Variants in EIPR1 observed in about 807,000 individuals in gnomAD.
EIPR1 encodes EARP complex and GARP complex interacting protein 1.
A neutral mutation model predicts 48.1 loss-of-function variants in EIPR1; 25 were observed. The observed-to-expected ratio is 0.52, with a 90% CI of 0.38 to 0.73. EIPR1 has a LOEUF of 0.73. Ranked by LOEUF, EIPR1 falls within the 30% of genes least tolerant of loss-of-function variation. The pLI is 0.00. For synonymous variants in EIPR1, 204 were observed against 201.9 expected (o/e 1.01, Z -0.09); for missense variants, 415 against 506.2 (o/e 0.82, Z 1.73).
chr2:3,292,209 G>GA (rs1297024099), intron 3 of EIPR1, among the ~76,000 whole-genome samples: 1 of 152,234 alleles, frequency 6.6e-6, no homozygotes, highest in Non-Finnish European at 1.5e-5. Flanking sequence ...GTCCTCAGGT[G>GA]ACTGCGCGGC....
At chr2:3,291,977 C>T (rs1390076603) in intron 3 of EIPR1, among the ~76,000 whole-genome samples, 1 of 152,268 alleles carries the variant, frequency 6.6e-6, no homozygotes, top group Non-Finnish European at 1.5e-5. Context: ...GGGCCATCCA[C>T]TCCAGGGGCA....
At chr2:3,193,057 G>C (rs910785496) in intron 7 of EIPR1, among the ~76,000 whole-genome samples, 2 of 152,160 alleles carry the variant, frequency 1.3e-5, no homozygotes, top group African/African-American at 4.8e-5. Context: ...TCTTGCTGGC[G>C]TGGGTCCTAG....
intron 4 of EIPR1, among the ~76,000 whole-genome samples, chr2:3,250,422 T>C (rs1308214872): frequency 6.6e-6 from 1 of 152,228 alleles, no homozygotes; most frequent in African/African-American, 2.4e-5. Context: ...TGCACCCCCA[T>C]TGTAATTTGA....
chr2:3,221,990 GT>G (rs964793523), intron 4 of EIPR1, among the ~76,000 whole-genome samples: 366 of 149,260 alleles, frequency 2.5e-3, no homozygotes, highest in Non-Finnish European at 4.5e-3. Context: ...TCCCCTCGCG[GT>G]TTTTTTTTTG....
intron 5 of EIPR1, among the ~76,000 whole-genome samples, chr2:3,210,350 C>T (rs987757697): frequency 6.6e-6 from 1 of 152,170 alleles, no homozygotes; most frequent in African/African-American, 2.4e-5. Flanking sequence ...CTCCCACCCA[C>T]ATCTGTTTTT....
At chr2:3,306,889 G>T (rs1668962284) in intron 3 of EIPR1, among the ~76,000 whole-genome samples, 1 of 152,126 alleles carries the variant, frequency 6.6e-6, no homozygotes. Flanking sequence ...AGTCAAAAAA[G>T]AGAACTCCTT....
chr2:3,296,216 G>C (rs55957782), intron 3 of EIPR1, among the ~76,000 whole-genome samples: 97 of 16,282 alleles, frequency 6.0e-3, no homozygotes, highest in Admixed American at 6.8e-3. Context: ...TCTCTACACA[G>C]ACACCCTCCA....
chr2:3,295,068 CA>C (rs1179375325), intron 3 of EIPR1, among the ~76,000 whole-genome samples: 4 of 137,922 alleles, frequency 2.9e-5, no homozygotes, highest in Admixed American at 7.2e-5. Context: ...TCTCCACACA[CA>C]CCTCCATCCA....
intron 3 of EIPR1, among the ~76,000 whole-genome samples, chr2:3,298,812 T>C (rs1422541057): frequency 6.6e-6 from 1 of 152,084 alleles, no homozygotes; most frequent in Non-Finnish European, 1.5e-5. Context: ...TCACCCCCCA[T>C]AAGAAGGCAT....
chr2:3,214,621 C>A (rs1665569486), intron 4 of EIPR1, among the ~76,000 whole-genome samples: 3 of 152,182 alleles, frequency 2.0e-5, no homozygotes, highest in Admixed American at 2.0e-4. Flanking sequence ...CCTAACCTAC[C>A]TTAAACAGGC....
chr2:3,283,626 C>T (rs559146637), intron 3 of EIPR1, among the ~76,000 whole-genome samples: 2 of 152,192 alleles, frequency 1.3e-5, no homozygotes, highest in African/African-American at 2.4e-5. Flanking sequence ...CCAGCGAGCA[C>T]CACTAGTTAA....
chr2:3,227,696 GA>G (rs1200033920), intron 4 of EIPR1, among the ~76,000 whole-genome samples: 3 of 152,080 alleles, frequency 2.0e-5, no homozygotes, highest in African/African-American at 7.2e-5. Flanking sequence ...AGGCCTAAGA[GA>G]AAAAAAATGG....
At chr2:3,361,682 G>A (rs760569309) in intron 1 of EIPR1, among the ~76,000 whole-genome samples, 10 of 150,650 alleles carry the variant, frequency 6.6e-5, no homozygotes, top group South Asian at 4.2e-4. Flanking sequence ...CCCAACAGCC[G>A]CCTCCAGCCC....
chr2:3,254,358 T>A (rs980292990), intron 4 of EIPR1, among the ~76,000 whole-genome samples: 2 of 152,142 alleles, frequency 1.3e-5, no homozygotes, highest in African/African-American at 4.8e-5. Context: ...TTCCTGTTCA[T>A]ACAAAAACCT....
At chr2:3,271,607 A>G (rs1667703585) in intron 3 of EIPR1, among the ~76,000 whole-genome samples, 1 of 152,190 alleles carries the variant, frequency 6.6e-6, no homozygotes, top group Admixed American at 6.5e-5. Flanking sequence ...GTCTCTGAGC[A>G]GTAGGTCTCA....
intron 5 of EIPR1, among the ~76,000 whole-genome samples, chr2:3,203,558 A>AT (rs1330082954): frequency 2.0e-5 from 3 of 152,352 alleles, no homozygotes; most frequent in South Asian, 2.1e-4. Context: ...TGGAGGGTAG[A>AT]TAAAAAAAGC....
Position 3,257,362 on chromosome 2 carries a change from C to T in EIPR1, c.353G>A (p.Ser118Asn). The change falls in exon 4 of 9, where the codon AGC becomes AAC. Residue 118 changes from serine to asparagine, a missense_variant. Transcript: ENST00000382125. ...GSHESPDDSS[S>N]TAQTLELLCH... The stretch of plus-strand genomic sequence containing the variant: ...GAGCAGCTCCAGGGTCTGTGCAGTG[C>T]TGGATGAATCATCAGGGGACTCGTG... 1.2e-6 allele frequency: 2 copies of T among 1,614,170 alleles called. No individual in the cohort carries two copies. The highest frequency in any genetic ancestry group is 1.7e-6 in the Non-Finnish European group (2 of 1,180,032).
intron 4 of EIPR1, among the ~76,000 whole-genome samples, chr2:3,256,583 C>A (rs531043307): frequency 6.6e-6 from 1 of 152,252 alleles, no homozygotes; most frequent in Non-Finnish European, 1.5e-5. Context: ...TGCAGACACA[C>A]ACGCACATGT....
At chr2:3,282,400 C>T (rs1461531272) in intron 3 of EIPR1, 1 of 152,304 alleles carries the variant, frequency 6.6e-6, no homozygotes, top group African/African-American at 2.4e-5. Flanking sequence ...GCCCCACAGA[C>T]TTCAATGAGC....
Sources: allele counts gnomAD v4.1 joint callset (sites outside exome capture counted in the v4.1 genomes callset), GRCh38; gene constraint gnomAD v4.1.1; transcripts MANE v1.5; gene names NCBI Gene and HGNC (gene_info 2026-07-23, HGNC 2026-07-21).